TTC21A: variants seen among roughly 807,000 people sequenced by gnomAD.
TTC21A encodes the protein tetratricopeptide repeat domain 21A, also known as tetratricopeptide repeat protein 21A.
In TTC21A, 128 loss-of-function variants were observed where a neutral mutation model predicts 156.4. That is an observed-to-expected ratio of 0.82 (90% CI 0.71 to 0.95). The LOEUF (loss-of-function observed/expected upper bound fraction) is 0.95. Ranked by LOEUF, TTC21A falls within the 40% of genes least tolerant of loss-of-function variation. The pLI is 0.00. For synonymous variants in TTC21A, 587 were observed against 617.1 expected (o/e 0.95, Z 0.72); for missense variants, 1,435 against 1,602.3 (o/e 0.90, Z 1.78).
At chr3:39,114,536 C>T in intron 5 of TTC21A, 49 bp from the exon 6 acceptor site, 1 of 1,601,378 alleles carries the variant, frequency 6.2e-7, no homozygotes, top group Non-Finnish European at 8.6e-7. Flanking sequence ...AGCAAACTCC[C>T]TTCATGGGCA....
chr3:39,138,521 G>A, intron 27 of TTC21A, 35 bp from the exon 28 acceptor site: 1 of 1,614,080 alleles, frequency 6.2e-7, no homozygotes, highest in South Asian at 1.1e-5. Context: ...AGGTCACCAG[G>A]GTGCCACCAT....
intron 5 of TTC21A, 36 bp from the exon 6 acceptor site, chr3:39,114,549 C>T (rs753829615): frequency 6.2e-7 from 1 of 1,610,272 alleles, no homozygotes; most frequent in East Asian, 2.2e-5. Context: ...CATGGGCACT[C>T]CCTTCACGGA....
chr3:39,136,136 A>G, intron 22 of TTC21A: 1 of 457,070 alleles, frequency 2.2e-6, no homozygotes, highest in Non-Finnish European at 3.9e-6. Flanking sequence ...CAGGTACAAT[A>G]TAAGTGCTAT....
At chr3:39,128,581 C>A in intron 13 of TTC21A, 93 bp downstream of exon 13, 1 of 1,577,222 alleles carries the variant, frequency 6.3e-7, no homozygotes, top group South Asian at 1.2e-5. Flanking sequence ...CTAGCTGTGT[C>A]CCGTAGATCT....
chr3:39,114,854 T>G, intron 6 of TTC21A, 112 bp downstream of exon 6: 1 of 1,310,474 alleles, frequency 7.6e-7, no homozygotes. Context: ...ATAGAGGAAC[T>G]GGGAATTGTG....
chr3:39,133,376 C>A, intron 20 of TTC21A, 136 bp downstream of exon 20: 1 of 894,272 alleles, frequency 1.1e-6, no homozygotes, highest in Non-Finnish European at 1.7e-6. Flanking sequence ...GCATGGGAGG[C>A]CAGCTAGCAG....
intron 3 of TTC21A, chr3:39,110,399 G>A: frequency 3.5e-6 from 2 of 573,172 alleles, no homozygotes; most frequent in Non-Finnish European, 6.2e-6. Flanking sequence ...CCCAAGAGTT[G>A]GGGAAACACC....
chr3:39,130,854 T>C lies in TTC21A; in HGVS notation c.2458+15T>C, dbSNP rs755605549. 5.0e-6 allele frequency: 8 copies of C among 1,614,040 alleles called. No individual in the cohort carries two copies. Among genetic ancestry groups the C allele is most frequent in the Non-Finnish European group, 5.9e-6 (7 of 1,179,920 alleles). On this transcript the variant is annotated intron_variant, in intron 18 of 28. Coordinates refer to ENST00000683103, the MANE Select transcript of TTC21A (RefSeq NM_001366900.1). The surrounding 1 kb of genome is among the most constrained non-coding windows in gnomAD (Gnocchi z 4.5). ...ACATGACATTGGTGAGGCAGCATTG[T>C]AACCCATTTCTAGCATTTGGAGCAG...
At chr3:39,111,327 C>T (rs552251900) in intron 4 of TTC21A, among the ~76,000 whole-genome samples, 1 of 152,314 alleles carries the variant, frequency 6.6e-6, no homozygotes, top group Non-Finnish European at 1.5e-5. Flanking sequence ...ATCCTTCCAC[C>T]TCAGCCCCCC....
At position 39,132,739 on chromosome 3, in the gene TTC21A, G is replaced by A. The variant is rs1429820519; in HGVS notation, c.2563-313G>A. 1.2e-5 allele frequency: 5 copies of A among 423,104 alleles called. No individual in the cohort carries two copies. In the East Asian group the frequency reaches 2.5e-4, roughly 22 times the overall value. 26.2% of individuals were successfully genotyped at this position (423,104 alleles called of 1,614,324 possible). ...TGCCTTGGACACCTACTGTGTGCTA[G>A]TTCTAGCCTGTAGTGCAGTGAAGCG... On this transcript the variant is annotated intron_variant, in intron 19 of 28. Coordinates refer to ENST00000683103, the MANE Select transcript of TTC21A (RefSeq NM_001366900.1).
Position 39,130,635 on chromosome 3 carries a change from G to T in TTC21A, c.2320-66G>T. On this transcript the variant is annotated intron_variant, in intron 17 of 28. Transcript: ENST00000683103. The surrounding 1 kb of genome is among the most constrained non-coding windows in gnomAD (Gnocchi z 4.5). ...ACACTGGTGTGATGGCTGCTGAGGG[G>T]AACATGGTGTCGGGCACTGAAGGGC... 1 of 1,589,938 alleles carries T rather than the reference G, an allele frequency of 6.3e-7. No individual in the cohort carries two copies. The highest frequency in any genetic ancestry group is 8.6e-7 in the Non-Finnish European group (1 of 1,164,042).
rs2038704674 is a variant in TTC21A, at chr3:39,131,155, G to T, written c.2562+60G>T. On this transcript the variant is annotated intron_variant, in intron 19 of 28. Transcript: ENST00000683103. Reference sequence around the variant, plus strand: ...CATCTGCTGATGGGGGCTGAAGGAGGAGGAAGGAGAGAGCTCCAGGTCTGG... The same window carrying T: ...CATCTGCTGATGGGGGCTGAAGGAGTAGGAAGGAGAGAGCTCCAGGTCTGG... 2.1e-6 allele frequency: 3 copies of T among 1,413,076 alleles called. No individual in the cohort carries two copies. The South Asian group carries it at 3.6e-5, about 17-fold the overall frequency. The allele number at this position is 1,413,076 out of a possible 1,614,324, so 87.5% of individuals were successfully genotyped here.
chr3:39,125,182 G>C, intron 10 of TTC21A, 22 bp downstream of exon 10: 1 of 1,585,684 alleles, frequency 6.3e-7, no homozygotes. Flanking sequence ...CTGGGGGTAT[G>C]GGTTGCTCCA....
chr3:39,129,350 A>G (rs748377251), intron 15 of TTC21A, 40 bp downstream of exon 15: 31 of 1,453,524 alleles, frequency 2.1e-5, no homozygotes, highest in Middle Eastern at 1.7e-4. Flanking sequence ...TTCTTCTCCA[A>G]TGGTATCTTA....
chr3:39,119,209 G>A (rs958176440), intron 7 of TTC21A: 1 of 152,150 alleles, frequency 6.6e-6, no homozygotes, highest in African/African-American at 2.4e-5. Flanking sequence ...CATACTTACT[G>A]AACAGAGTGG....
chr3:39,128,570 G>A (rs2038457615), intron 13 of TTC21A, 82 bp downstream of exon 13: 3 of 1,592,748 alleles, frequency 1.9e-6, no homozygotes, highest in African/African-American at 1.3e-5. Context: ...AGCCCCAGGG[G>A]CTAGCTGTGT....
Position 39,112,487 on chromosome 3 carries a change from G to T in TTC21A, c.465G>T (p.Leu155=), listed in dbSNP as rs1270568078. The change falls in exon 5 of 29, where the codon CTG becomes CTT. Residue 155 remains leucine (L), a synonymous_variant. Coordinates refer to ENST00000683103, the MANE Select transcript of TTC21A (RefSeq NM_001366900.1). ...EAYVLRGWVD[L]TSDKPHTAKK... ...ATGTGCTCAGAGGCTGGGTGGACCT[G>T]ACCTCAGACAAGCCCCACACTGCGA... The T allele has an allele frequency of 6.2e-7, 1 of 1,614,168 alleles. No homozygotes were observed. The highest frequency in any genetic ancestry group is 8.5e-7 in the Non-Finnish European group (1 of 1,180,038).
chr3:39,109,242 G>T, intron 2 of TTC21A, 28 bp downstream of exon 2: 1 of 1,601,290 alleles, frequency 6.2e-7, no homozygotes, highest in South Asian at 1.1e-5. Context: ...TTGGTCTTGT[G>T]ACCCCAGGCA....
chr3:39,118,242 G>T (rs752025313), intron 7 of TTC21A, 89 bp downstream of exon 7: 7 of 1,289,272 alleles, frequency 5.4e-6, no homozygotes, highest in Non-Finnish European at 6.8e-6. Flanking sequence ...CAAAGCCCTT[G>T]TAGGGAGCTC....
Sources: gnomAD v4.1 joint callset for allele counts (sites outside exome capture counted in the v4.1 genomes callset) on GRCh38, gnomAD v4.1.1 for gene constraint, Gnocchi (gnomAD v3.1) non-coding constraint, MANE v1.5 for transcripts, NCBI Gene and HGNC (gene_info 2026-07-23, HGNC 2026-07-21) for gene names.